The following HRH4 variants were observed in gnomAD, a reference collection of about 807,000 sequenced individuals.
HRH4 encodes histamine receptor H4.
Under a neutral mutation model 10.4 loss-of-function variants are expected in HRH4, and 12 were observed. That is an observed-to-expected ratio of 1.15 (90% CI 0.74 to 1.87). The LOEUF is 1.87. Ranked by LOEUF, HRH4 falls within the 40% of genes most tolerant of loss-of-function variation. The probability of loss-of-function intolerance (pLI) is 0.00; values close to 1 mark genes in which losing one functional copy is unlikely to be tolerated. For synonymous variants in HRH4, 154 were observed against 166.6 expected (o/e 0.92, Z 0.58); for missense variants, 415 against 453.3 (o/e 0.92, Z 0.77).
intron 2 of HRH4, among the ~76,000 whole-genome samples, chr18:24,474,353 A>G (rs1910071466): frequency 7.9e-6 from 1 of 127,122 alleles, no homozygotes; most frequent in South Asian, 2.3e-4. Context: ...TTTGAGAGAG[A>G]AAAAAAAAAC....
chr18:24,461,637 C>G (rs1909640855), intron 1 of HRH4, among the ~76,000 whole-genome samples: 1 of 152,048 alleles, frequency 6.6e-6, no homozygotes, highest in South Asian at 2.1e-4. Flanking sequence ...ATAATTTAAT[C>G]TGGCATATTC....
intron 2 of HRH4, among the ~76,000 whole-genome samples, chr18:24,473,299 T>G (rs1361105479): frequency 6.6e-6 from 1 of 152,198 alleles, no homozygotes; most frequent in Non-Finnish European, 1.5e-5. Flanking sequence ...GGCATTGTGT[T>G]TGTTTGCTGG....
At chr18:24,462,337 A>G (rs1909666295) in intron 1 of HRH4, among the ~76,000 whole-genome samples, 1 of 152,168 alleles carries the variant, frequency 6.6e-6, no homozygotes, top group Admixed American at 6.5e-5. Context: ...AAAGATTTTA[A>G]AACAGGAGAG....
chr18:24,465,473 G>A (rs966793331), intron 1 of HRH4, among the ~76,000 whole-genome samples: 2 of 152,052 alleles, frequency 1.3e-5, no homozygotes, highest in African/African-American at 4.8e-5. Context: ...GTGGGACTGC[G>A]GAGGTGGGGG....
At chr18:24,460,960 TTTTAA>T (rs1300570465) in intron 1 of HRH4, 39 bp downstream of exon 1, 1 of 1,313,848 alleles carries the variant, frequency 7.6e-7, no homozygotes, top group African/African-American at 1.5e-5. Context: ...TCTTTTCCGA[TTTTAA>T]TTTATTTCTA....
chr18:24,477,048 C>G lies in HRH4; in HGVS notation c.659C>G (p.Ser220Cys). The stretch of plus-strand genomic sequence containing the variant: ...AGCCATCCTGGACTGACTGCTGTCT[C>G]TTCCAACATCTGTGGACACTCATTC... ...CQSHPGLTAVSSNICGHSFRG... is the reference protein window; with the variant it reads ...CQSHPGLTAVCSNICGHSFRG... The change falls in exon 3 of 3, where the codon TCT becomes TGT. Residue 220 changes from serine (S) to cysteine (C), a missense_variant. Physicochemically the swap from Ser to Cys is moderately radical, Grantham distance 112 (BLOSUM62 -1). Transcript: ENST00000256906. The G allele has an allele frequency of 6.2e-7, 1 of 1,614,250 alleles. No individual in the cohort carries two copies. Among genetic ancestry groups the G allele is most frequent in the Non-Finnish European group, 8.5e-7 (1 of 1,180,046 alleles).
At chr18:24,467,180 G>A (rs1909799492) in intron 1 of HRH4, among the ~76,000 whole-genome samples, 1 of 152,164 alleles carries the variant, frequency 6.6e-6, no homozygotes. Context: ...ATGAAATGAG[G>A]TGACATTTGC....
rs189687084 is a variant in HRH4, at chr18:24,467,840, G to A, written c.194-948G>A. 3.1e-3 allele frequency among the ~76,000 whole-genome samples: 465 copies of A among 152,250 alleles called. 3 individuals carry two copies. Among genetic ancestry groups the A allele is most frequent in the African/African-American group, 0.011 (449 of 41,538 alleles). On this transcript the variant is annotated intron_variant, in intron 1 of 2. Transcript: ENST00000256906. ...ATTACAGGTGTGGGCCACCGTGCCC[G>A]GCCTGAATTGACTTTTTAGTAGAAG... is the stretch of plus-strand genomic sequence containing the variant.
chr18:24,476,663 C>G (rs1217751643), intron 2 of HRH4, 84 bp from the exon 3 acceptor site: 4 of 1,046,056 alleles, frequency 3.8e-6, no homozygotes, highest in Non-Finnish European at 5.7e-6. Flanking sequence ...TTTGCACATC[C>G]CTGAAATTTC....
intron 1 of HRH4, among the ~76,000 whole-genome samples, chr18:24,466,589 G>A (rs1472926857): frequency 6.6e-6 from 1 of 152,140 alleles, no homozygotes; most frequent in African/African-American, 2.4e-5. Flanking sequence ...GTGGTGTCTT[G>A]TACCTAGGGA....
At chr18:24,474,983 C>A (rs552516510) in intron 2 of HRH4, among the ~76,000 whole-genome samples, 14 of 152,298 alleles carry the variant, frequency 9.2e-5, no homozygotes, top group Non-Finnish European at 1.6e-4. Context: ...CGTGCTGGGC[C>A]AAAACCTTAC....
At position 24,476,748 on chromosome 18, in the gene HRH4, T is replaced by C. The variant is rs1209307755; in HGVS notation, c.359T>C (p.Val120Ala). ...YDRYLSVSNA[V>A]SYRTQHTGVL... is the part of the protein sequence containing the mutation. ...TGAAAATAATTTGGTTTCTTCTAGG[T>C]GTCTTATAGAACTCAACATACTGGG... Residue 120 changes from valine to alanine, a missense_variant and splice_region_variant, in exon 3 of 3, where the codon GTG becomes GCG. Physicochemically the swap from Val to Ala is moderately conservative, Grantham distance 64. Coordinates refer to ENST00000256906, the MANE Select transcript of HRH4 (RefSeq NM_021624.4). 1.2e-6 allele frequency: 2 copies of C among 1,607,574 alleles called. No individual in the cohort carries two copies. The highest frequency in any genetic ancestry group is 1.7e-5 in the Admixed American group (1 of 59,146).
In HRH4 at chr18:24,471,357, C is replaced by T. The variant is rs112608010; in HGVS notation, c.357+2406C>T. Among the ~76,000 whole-genome samples, 350 of 151,564 alleles carry T rather than the reference C, an allele frequency of 2.3e-3. 4 individuals are homozygous for T. The highest frequency in any genetic ancestry group is 8.3e-3 in the African/African-American group (344 of 41,324). ...TGTTGGCTCACGCTTGTAATCCCAGCACTTTGGGAGGCCAAGGCAGGTGGA... is the reference window on the plus strand; with the variant it reads ...TGTTGGCTCACGCTTGTAATCCCAGTACTTTGGGAGGCCAAGGCAGGTGGA... On this transcript the variant is annotated intron_variant, in intron 2 of 2. Coordinates refer to ENST00000256906, the MANE Select transcript of HRH4 (RefSeq NM_021624.4).
At chr18:24,465,385 G>T (rs566746837) in intron 1 of HRH4, among the ~76,000 whole-genome samples, 1 of 152,246 alleles carries the variant, frequency 6.6e-6, no homozygotes, top group Non-Finnish European at 1.5e-5. Flanking sequence ...AGGTGCGCAG[G>T]ATCTGAGGCA....
At chr18:24,476,470 C>G (rs953268871) in intron 2 of HRH4, among the ~76,000 whole-genome samples, 2 of 152,154 alleles carry the variant, frequency 1.3e-5, no homozygotes, top group Non-Finnish European at 2.9e-5. Flanking sequence ...GGAAAAACTG[C>G]TTTCTTATTT....
chr18:24,470,565 A>G (rs548517646), intron 2 of HRH4, among the ~76,000 whole-genome samples: 1 of 140,544 alleles, frequency 7.1e-6, no homozygotes, highest in Non-Finnish European at 1.5e-5. Context: ...GTGCAATGCC[A>G]TGATCTTGGC....
chr18:24,461,141 T>C (rs554522648), intron 1 of HRH4, among the ~76,000 whole-genome samples: 63 of 152,264 alleles, frequency 4.1e-4, no homozygotes, highest in African/African-American at 1.4e-3. Context: ...CTGAAAACAG[T>C]TTATTTTCTT....
chr18:24,468,708 T>A (rs1032457928), intron 1 of HRH4, 80 bp from the exon 2 acceptor site: 6 of 1,219,248 alleles, frequency 4.9e-6, no homozygotes, highest in Non-Finnish European at 6.9e-6. Flanking sequence ...TAGGTCATTG[T>A]GTTGTGTAGC....
rs375203892 is a variant in HRH4 at position 24,468,851 on chromosome 18, T to A, written c.257T>A (p.Ile86Asn). 4 of 1,613,984 alleles carry A rather than the reference T, an allele frequency of 2.5e-6. No individual in the cohort carries two copies. In the African/African-American group the frequency reaches 5.3e-5, roughly 22 times the overall value. Residue 86 changes from isoleucine (I) to asparagine (N), a missense_variant, in exon 2 of 3, where the codon ATC (isoleucine) becomes AAC (asparagine). Physicochemically the swap from Ile to Asn is moderately radical, Grantham distance 149 (BLOSUM62 -3). Transcript: ENST00000256906. The part of the protein sequence containing the change: ...TLFEWDFGKE[I>N]CVFWLTTDYL... Reference sequence around the variant, plus strand: ...TTCGAATGGGATTTTGGAAAGGAAATCTGTGTATTTTGGCTCACTACTGAC... The same window carrying A: ...TTCGAATGGGATTTTGGAAAGGAAAACTGTGTATTTTGGCTCACTACTGAC...
Sources: allele counts gnomAD v4.1 joint callset (sites outside exome capture counted in the v4.1 genomes callset), GRCh38; gene constraint gnomAD v4.1.1; transcripts MANE v1.5; gene names NCBI Gene and HGNC (gene_info 2026-07-23, HGNC 2026-07-21).